The following SLC9A9 variants were observed in gnomAD, a reference collection of about 807,000 sequenced individuals.
SLC9A9 encodes sodium/hydrogen exchanger 9.
Under a neutral mutation model 77.8 loss-of-function variants are expected in SLC9A9, and 62 were observed. The observed-to-expected ratio is 0.80, with a 90% CI of 0.65 to 0.98. The LOEUF is 0.98. Among genes scored for constraint, SLC9A9 ranks in the 50% least tolerant of loss-of-function variants. SLC9A9 has a pLI of 0.00. For synonymous variants in SLC9A9, 320 were observed against 283.5 expected, an observed-to-expected ratio of 1.13 and a Z score of -1.29; for missense variants, 775 against 774.9, an observed-to-expected ratio of 1.00 and a Z score of 0.00.
intron 6 of SLC9A9, among the ~76,000 whole-genome samples, chr3:143,641,539 G>A (rs1407165536): frequency 5.3e-5 from 8 of 151,706 alleles, no homozygotes; most frequent in Non-Finnish European, 1.2e-4. Context: ...GACTACAGGT[G>A]CCTGCCACCA....
intron 4 of SLC9A9, among the ~76,000 whole-genome samples, chr3:143,723,676 A>G (rs1275052225): frequency 6.6e-6 from 1 of 152,160 alleles, no homozygotes; most frequent in Non-Finnish European, 1.5e-5. Context: ...TTTCTAAACT[A>G]TATACCTTTT....
At chr3:143,391,111 C>T (rs1451386914) in intron 12 of SLC9A9, among the ~76,000 whole-genome samples, 1 of 152,206 alleles carries the variant, frequency 6.6e-6, no homozygotes, top group East Asian at 1.9e-4. Flanking sequence ...AGTGGTTCTC[C>T]CAACATGGAG....
chr3:143,602,129 G>T (rs1030160114), intron 6 of SLC9A9, among the ~76,000 whole-genome samples: 3 of 152,152 alleles, frequency 2.0e-5, no homozygotes, highest in Admixed American at 6.5e-5. Flanking sequence ...ATATTATCAT[G>T]TAAGAAATTA....
intron 1 of SLC9A9, among the ~76,000 whole-genome samples, chr3:143,846,266 A>G (rs1201643067): frequency 1.3e-5 from 2 of 152,214 alleles, no homozygotes; most frequent in Non-Finnish European, 2.9e-5. Flanking sequence ...TTTCCCTCTA[A>G]TAAAGGTTGG....
chr3:143,745,170 GAAGA>G (rs145770578), intron 4 of SLC9A9, among the ~76,000 whole-genome samples: 413 of 152,114 alleles, frequency 2.7e-3, no homozygotes, highest in African/African-American at 9.6e-3. Flanking sequence ...ATAACTCAAA[GAAGA>G]GAGAGATGAG....
rs774569282 is a variant in SLC9A9 at position 143,363,466 on chromosome 3, G to A, written c.1604+18C>T. On this transcript the variant is annotated intron_variant, in intron 14 of 15. Transcript: ENST00000316549. Reference sequence around the variant, plus strand: ...TGCCTGCAGCAGGATCTGTGAGATCGTTATTATCAAAGGATACTTGTGGTC... The same window carrying A: ...TGCCTGCAGCAGGATCTGTGAGATCATTATTATCAAAGGATACTTGTGGTC... 6.2e-6 allele frequency: 10 copies of A among 1,607,400 alleles called. No individual in the cohort carries two copies. Among genetic ancestry groups the A allele is most frequent in the African/African-American group, 1.3e-5 (1 of 74,742 alleles).
At chr3:143,383,680 G>A (rs1325398809) in intron 12 of SLC9A9, among the ~76,000 whole-genome samples, 1 of 152,214 alleles carries the variant, frequency 6.6e-6, no homozygotes, top group African/African-American at 2.4e-5. Flanking sequence ...GCTTCAGCTG[G>A]AGTGGGGCAG....
At chr3:143,556,946 C>T (rs950061953) in intron 8 of SLC9A9, among the ~76,000 whole-genome samples, 1 of 152,158 alleles carries the variant, frequency 6.6e-6, no homozygotes, top group African/African-American at 2.4e-5. Flanking sequence ...TGGAACTCAT[C>T]CTCTTTTCAG....
intron 11 of SLC9A9, among the ~76,000 whole-genome samples, chr3:143,472,365 A>G (rs1385060995): frequency 6.6e-6 from 1 of 152,244 alleles, no homozygotes; most frequent in Non-Finnish European, 1.5e-5. Context: ...ACTGATGTGC[A>G]GCATTTAAGG....
Position 143,530,221 on chromosome 3 carries a change from C to T in SLC9A9, c.1089+22141G>A, listed in dbSNP as rs184553421. ...AGTTAGTGAGAGAGTTTGGCTGTGT[C>T]CCCACACAAATCTCATCTTGTATTG... is the stretch of plus-strand genomic sequence containing the variant. On this transcript the variant is annotated intron_variant, in intron 9 of 15. Coordinates refer to ENST00000316549, the MANE Select transcript of SLC9A9 (RefSeq NM_173653.4). Among the ~76,000 whole-genome samples, 71 of 152,302 alleles carry T rather than the reference C, an allele frequency of 4.7e-4. 1 individual carries two copies. Among genetic ancestry groups the T allele is most frequent in the Admixed American group, 2.7e-3 (41 of 15,298 alleles).
intron 12 of SLC9A9, among the ~76,000 whole-genome samples, chr3:143,401,314 T>C (rs1437059682): frequency 2.0e-5 from 3 of 152,162 alleles, no homozygotes; most frequent in South Asian, 4.2e-4. Flanking sequence ...TATTCCCATT[T>C]GGGTATAGGG....
chr3:143,442,827 G>T (rs2034769811), intron 12 of SLC9A9, among the ~76,000 whole-genome samples: 1 of 152,184 alleles, frequency 6.6e-6, no homozygotes, highest in African/African-American at 2.4e-5. Flanking sequence ...ACAAAGGCTT[G>T]CTTAGGCATA....
intron 14 of SLC9A9, among the ~76,000 whole-genome samples, chr3:143,274,348 T>C (rs1937983390): frequency 6.6e-6 from 1 of 152,242 alleles, no homozygotes; most frequent in Admixed American, 6.5e-5. Context: ...TTGGGTACTA[T>C]AATCCCATTT....
At chr3:143,667,189 C>T (rs1474947265) in intron 5 of SLC9A9, among the ~76,000 whole-genome samples, 5 of 152,134 alleles carry the variant, frequency 3.3e-5, no homozygotes, top group Admixed American at 6.5e-5. Flanking sequence ...ACATCTACAA[C>T]CATCTGATCT....
At chr3:143,279,613 G>A (rs776681619) in intron 14 of SLC9A9, among the ~76,000 whole-genome samples, 3 of 152,022 alleles carry the variant, frequency 2.0e-5, no homozygotes, top group Non-Finnish European at 4.4e-5. Context: ...CCCTCCCTGG[G>A]TCCATGTGTT....
At chr3:143,724,548 A>T (rs1366780214) in intron 4 of SLC9A9, among the ~76,000 whole-genome samples, 1 of 152,332 alleles carries the variant, frequency 6.6e-6, no homozygotes, top group East Asian at 1.9e-4. Context: ...TGACCGGCCA[A>T]CATGGGAAAT....
intron 2 of SLC9A9, among the ~76,000 whole-genome samples, chr3:143,827,407 A>G (rs578184547): frequency 2.6e-4 from 39 of 152,322 alleles, no homozygotes; most frequent in African/African-American, 9.4e-4. Context: ...TCTTTAAGTG[A>G]AAATATTTTT....
At chr3:143,505,874 A>C (rs184705527) in intron 9 of SLC9A9, among the ~76,000 whole-genome samples, 1 of 152,332 alleles carries the variant, frequency 6.6e-6, no homozygotes, top group East Asian at 1.9e-4. Flanking sequence ...CCTCAAGCTT[A>C]TAACTTAAGG....
At chr3:143,622,193 A>G (rs942461133) in intron 6 of SLC9A9, among the ~76,000 whole-genome samples, 3 of 152,258 alleles carry the variant, frequency 2.0e-5, no homozygotes, top group Non-Finnish European at 4.4e-5. Context: ...AACACTCTGC[A>G]GGATATTATC....
Sources: allele counts gnomAD v4.1 joint callset (sites outside exome capture counted in the v4.1 genomes callset), GRCh38; gene constraint gnomAD v4.1.1; transcripts MANE v1.5; gene names NCBI Gene and HGNC (gene_info 2026-07-23, HGNC 2026-07-21).